The following CLIC5 variants were observed in gnomAD, a reference collection of about 807,000 sequenced individuals.
The protein encoded by CLIC5 is chloride intracellular channel protein 5.
Under a neutral mutation model 24.7 loss-of-function variants are expected in CLIC5, and 20 were observed. The ratio of observed to expected loss-of-function variants is 0.81; its 90% CI spans 0.57 to 1.18. CLIC5 has a LOEUF of 1.18. CLIC5 is among the 50% of genes most tolerant of loss of function. CLIC5 has a pLI of 0.00. For missense variants in CLIC5, 341 were observed against 326.1 expected (o/e 1.05, Z -0.35); for synonymous variants, 159 against 135.6 (o/e 1.17, Z -1.20).
chr6:46,026,506 C>A (rs1319509909), intron 1 of CLIC5, among the ~76,000 whole-genome samples: 1 of 152,126 alleles, frequency 6.6e-6, no homozygotes, highest in Non-Finnish European at 1.5e-5. Flanking sequence ...CTCAACTGTG[C>A]AATCTTTTAT....
At chr6:46,035,573 C>T (rs556487989) in intron 1 of CLIC5, among the ~76,000 whole-genome samples, 14 of 152,236 alleles carry the variant, frequency 9.2e-5, no homozygotes, top group African/African-American at 3.4e-4. Context: ...AGACTCACAT[C>T]AAAACTGCAC....
chr6:46,071,474 C>G (rs972710619), intron 1 of CLIC5, among the ~76,000 whole-genome samples: 24 of 151,814 alleles, frequency 1.6e-4, no homozygotes, highest in Non-Finnish European at 2.9e-5. Flanking sequence ...GGCCAACAAC[C>G]ATATGAAAAA....
rs367592931 is a variant in CLIC5, at chr6:45,909,172, T to C, written c.588+5056A>G. Among the ~76,000 whole-genome samples, 4 of 152,154 alleles carry C rather than the reference T, an allele frequency of 2.6e-5. No individual in the cohort carries two copies. In the East Asian group the frequency reaches 7.7e-4, roughly 29 times the overall value. On this transcript the variant is annotated intron_variant, in intron 5 of 5. Coordinates refer to ENST00000339561, the MANE Select transcript of CLIC5 (RefSeq NM_016929.5). ...GCCCTTTACTTTGAGCCTATGGGTG[T>C]TGTTACATATGAGAGGGGTCTCTTG...
upstream of CLIC5, among the ~76,000 whole-genome samples, chr6:46,082,176 A>G (rs1762937093): frequency 6.6e-6 from 1 of 152,176 alleles, no homozygotes. Context: ...ATTCTGCATT[A>G]TTACAAAGAA....
intron 1 of CLIC5, among the ~76,000 whole-genome samples, chr6:45,957,620 C>A (rs1581790690): frequency 6.6e-6 from 1 of 152,200 alleles, no homozygotes; most frequent in Admixed American, 6.5e-5. Context: ...TCCTTCATGG[C>A]TCCCTACATT....
Position 45,960,252 on chromosome 6 carries a change from G to C in CLIC5, c.64-5008C>G, listed in dbSNP as rs188219092. ...CGGGTACCCAAGTCCAGAAGTGGGA[G>C]GAATCATTCAGAGAGGATCCAAGAA... On this transcript the variant is annotated intron_variant, in intron 1 of 5. Transcript: ENST00000339561. Among the ~76,000 whole-genome samples, 13 of 152,286 alleles carry C rather than the reference G, an allele frequency of 8.5e-5. No homozygotes were observed. The East Asian group carries it at 2.5e-3, about 29-fold the overall frequency.
chr6:45,957,327 C>A (rs4714893), intron 1 of CLIC5, among the ~76,000 whole-genome samples: 127,952 of 152,118 alleles, frequency 0.84, 54,430 homozygotes, highest in Non-Finnish European at 0.9. Flanking sequence ...TTTATTTCTC[C>A]TGAGAAGCCT....
At chr6:46,031,291 G>A (rs1767491199) in intron 1 of CLIC5, among the ~76,000 whole-genome samples, 1 of 152,100 alleles carries the variant, frequency 6.6e-6, no homozygotes, top group Non-Finnish European at 1.5e-5. Context: ...ATTATTTGCT[G>A]TGTGCCAACG....
chr6:45,912,206 TA>T, intron 5 of CLIC5: 1 of 987,586 alleles, frequency 1.0e-6, no homozygotes, highest in African/African-American at 1.7e-5. Flanking sequence ...TTGTGAACTT[TA>T]GAGGTTTGCC....
chr6:45,927,055 G>A (rs539862911), intron 4 of CLIC5, among the ~76,000 whole-genome samples: 9 of 152,272 alleles, frequency 5.9e-5, no homozygotes, highest in African/African-American at 1.7e-4. Flanking sequence ...GTTCCACAGC[G>A]GGGACAGGAA....
chr6:45,923,585 C>T (rs61137887), intron 4 of CLIC5, among the ~76,000 whole-genome samples: 3,282 of 152,302 alleles, frequency 0.022, 123 homozygotes, highest in African/African-American at 0.075. Flanking sequence ...GGCATCTATT[C>T]GGTGCCCACT....
chr6:46,111,179 TC>T, the CLIC5 span, among the ~76,000 whole-genome samples: 1 of 118,744 alleles, frequency 8.4e-6, no homozygotes, highest in East Asian at 2.4e-4. Flanking sequence ...ATCAAACCTG[TC>T]CTTTTTTTTT....
upstream of CLIC5, among the ~76,000 whole-genome samples, chr6:46,082,074 T>TG (rs745697816): frequency 4.7e-4 from 71 of 152,320 alleles, no homozygotes; most frequent in Non-Finnish European, 7.4e-4. Context: ...TTTCACCCCT[T>TG]GGGGGGTGAC....
At chr6:46,011,231 A>C (rs1766796781) in intron 1 of CLIC5, among the ~76,000 whole-genome samples, 1 of 152,204 alleles carries the variant, frequency 6.6e-6, no homozygotes, top group Non-Finnish European at 1.5e-5. Context: ...GCATCTGTTA[A>C]CTGGGCAGTG....
intron 5 of CLIC5, among the ~76,000 whole-genome samples, chr6:45,910,975 C>G (rs758592872): frequency 2.0e-5 from 3 of 152,176 alleles, no homozygotes; most frequent in Non-Finnish European, 4.4e-5. Context: ...TCATCATACC[C>G]ACGCAGAGAG....
At chr6:45,912,834 G>T in intron 5 of CLIC5, 1 of 853,790 alleles carries the variant, frequency 1.2e-6, no homozygotes, top group Non-Finnish European at 1.9e-6. Flanking sequence ...AGTGACTATT[G>T]GCTTGGCCCC....
At chr6:45,934,233 C>T (rs1763850040) in intron 4 of CLIC5, 1 of 152,194 alleles carries the variant, frequency 6.6e-6, no homozygotes, top group Non-Finnish European at 1.5e-5. Context: ...CCCAGGGCTC[C>T]ATTTGATGGT....
intron 1 of CLIC5, among the ~76,000 whole-genome samples, chr6:46,037,911 G>C (rs191490556): frequency 6.6e-6 from 1 of 152,128 alleles, no homozygotes; most frequent in Admixed American, 6.5e-5. Context: ...TTGCTGTGTG[G>C]GTGGAAGATA....
exon 1 of CLIC5, chr6:46,079,852 T>C: frequency 6.4e-7 from 1 of 1,552,216 alleles, no homozygotes; most frequent in Non-Finnish European, 8.7e-7. Flanking sequence ...TCTTCCTTCA[T>C]CACACTCCCA....
Sources: gnomAD v4.1 joint callset for allele counts (sites outside exome capture counted in the v4.1 genomes callset) on GRCh38, gnomAD v4.1.1 for gene constraint, MANE v1.5 for transcripts, NCBI Gene and HGNC (gene_info 2026-07-23, HGNC 2026-07-21) for gene names.